MACO1: variants seen among roughly 807,000 people sequenced by gnomAD.
MACO1 encodes macoilin 1.
In MACO1, 14 loss-of-function variants were observed where a neutral mutation model predicts 78.7. The observed-to-expected ratio is 0.18, with a 90% CI of 0.12 to 0.28. The LOEUF (loss-of-function observed/expected upper bound fraction) is 0.28. Among genes scored for constraint, MACO1 ranks in the 10% least tolerant of loss-of-function variants. The probability of loss-of-function intolerance (pLI) is 1.00; values close to 1 mark genes in which losing one functional copy is unlikely to be tolerated. For missense variants in MACO1, 501 were observed against 799.0 expected (o/e 0.63, Z 4.50); for synonymous variants, 288 against 291.6 (o/e 0.99, Z 0.12).
rs772305897 is a variant in MACO1, at chr1:25,485,785, G to C, written c.1486G>C (p.Ala496Pro). 1.2e-6 allele frequency: 2 copies of C among 1,612,748 alleles called. No homozygotes were observed. Among genetic ancestry groups the C allele is most frequent in the Non-Finnish European group, 1.7e-6 (2 of 1,179,566 alleles). The change falls in exon 8 of 11, where the codon GCT (alanine) becomes CCT (proline). Residue 496 changes from alanine to proline, a missense_variant. Around this residue, in one of 5 missense-constraint regions of MACO1, gnomAD observed 163 missense variants for 271.9 expected, o/e 0.60. Coordinates refer to ENST00000374343, the MANE Select transcript of MACO1 (RefSeq NM_018202.6). The surrounding 1 kb of genome is among the most constrained non-coding windows in gnomAD (Gnocchi z 4.3). Reference sequence around the variant, plus strand: ...TGCTGCCCGGGCTGTTGCGTTTGCTGCTGCATCTAGGTATGTCCATGTCAC... The same window carrying C: ...TGCTGCCCGGGCTGTTGCGTTTGCTCCTGCATCTAGGTATGTCCATGTCAC... ...ATAARAVAFA[A>P]ASRGECTETL...
intron 6 of MACO1, among the ~76,000 whole-genome samples, chr1:25,466,122 C>T (rs768320871): frequency 2.0e-5 from 3 of 152,132 alleles, no homozygotes; most frequent in Non-Finnish European, 2.9e-5. Context: ...CTTTGGGTAG[C>T]TAACCAGTAG....
At chr1:25,452,897 A>G (rs1279340749) in intron 3 of MACO1, among the ~76,000 whole-genome samples, 3 of 151,784 alleles carry the variant, frequency 2.0e-5, no homozygotes, top group South Asian at 4.2e-4. Flanking sequence ...GGGTTTCACC[A>G]TGTTAGTCAG....
intron 6 of MACO1, among the ~76,000 whole-genome samples, chr1:25,471,526 T>G (rs2043271555): frequency 6.6e-6 from 1 of 152,218 alleles, no homozygotes; most frequent in Admixed American, 6.5e-5. Context: ...TAATAGAATG[T>G]AAGCTCAGTA....
chr1:25,459,208 T>C (rs372928226), intron 6 of MACO1, among the ~76,000 whole-genome samples: 15 of 152,090 alleles, frequency 9.9e-5, no homozygotes, highest in African/African-American at 1.7e-4. Context: ...TGTCCAGAGT[T>C]CTCTTGGCGT....
chr1:25,488,781 G>A (rs915516969), intron 8 of MACO1, among the ~76,000 whole-genome samples: 2 of 151,538 alleles, frequency 1.3e-5, no homozygotes, highest in Admixed American at 6.6e-5. Flanking sequence ...CACTGCACTC[G>A]GCCAACCTAT....
In MACO1 at chr1:25,446,801, T is replaced by TG; in HGVS notation, c.121dup (p.Val41GlyfsTer13). On this transcript the variant is annotated frameshift_variant, in exon 2 of 11. Coordinates refer to ENST00000374343, the MANE Select transcript of MACO1 (RefSeq NM_018202.6). LOFTEE classifies it high-confidence loss of function. Reference sequence around the variant, plus strand: ...TGAAATTCCTGGTGGTGTGGGCACTTGTCCTCCTAGCAGATTTTGTCCTGG... The same window carrying TG: ...TGAAATTCCTGGTGGTGTGGGCACTTGGTCCTCCTAGCAGATTTTGTCCTGG... 6.2e-7 allele frequency: 1 copy of TG among 1,613,870 alleles called. No individual in the cohort carries two copies. Among genetic ancestry groups the TG allele is most frequent in the Non-Finnish European group, 8.5e-7 (1 of 1,179,900 alleles).
chr1:25,456,633 C>G lies in MACO1; in HGVS notation c.474-20C>G. On this transcript the variant is annotated intron_variant, in intron 4 of 10. Coordinates refer to ENST00000374343, the MANE Select transcript of MACO1 (RefSeq NM_018202.6). ...TTCATTTTAAACCTACAATTACTGG[C>G]TGGATTGTCTTCTTTCTAGTATTGG... 6.2e-7 allele frequency: 1 copy of G among 1,605,880 alleles called. No homozygotes were observed. Among genetic ancestry groups the G allele is most frequent in the Non-Finnish European group, 8.5e-7 (1 of 1,177,486 alleles).
chr1:25,431,506 T>C (rs1257472898), intron 1 of MACO1, among the ~76,000 whole-genome samples: 2 of 151,380 alleles, frequency 1.3e-5, no homozygotes, highest in South Asian at 4.2e-4. Flanking sequence ...ATCCCGGCCA[T>C]GCCGCTGGGC....
chr1:25,479,409 T>C (rs2043350481), intron 6 of MACO1, among the ~76,000 whole-genome samples: 1 of 152,168 alleles, frequency 6.6e-6, no homozygotes, highest in African/African-American at 2.4e-5. Context: ...TTCAATTTGC[T>C]AACACATACT....
chr1:25,460,047 A>G (rs760309274), intron 6 of MACO1, among the ~76,000 whole-genome samples: 17 of 152,200 alleles, frequency 1.1e-4, no homozygotes, highest in Non-Finnish European at 2.2e-4. Flanking sequence ...GAGGCTTTCC[A>G]GCATTATAAA....
intron 1 of MACO1, among the ~76,000 whole-genome samples, chr1:25,437,796 C>T (rs1553163388): frequency 6.6e-6 from 1 of 152,142 alleles, no homozygotes; most frequent in Non-Finnish European, 1.5e-5. Context: ...TGTCACATTC[C>T]TGTAGTCCCA....
At chr1:25,456,280 A>G (rs1178030589) in intron 4 of MACO1, among the ~76,000 whole-genome samples, 2 of 151,628 alleles carry the variant, frequency 1.3e-5, no homozygotes, top group African/African-American at 2.4e-5. Context: ...AAAAGGGTAC[A>G]GGTATCTGCC....
At position 25,458,493 on chromosome 1, in the gene MACO1, A is replaced by G. The variant is rs766277373; in HGVS notation, c.755A>G (p.Tyr252Cys). 3.1e-6 allele frequency: 5 copies of G among 1,614,008 alleles called. No homozygotes were observed. The African/African-American group carries it at 6.7e-5, about 22-fold the overall frequency. Residue 252 changes from tyrosine (Y) to cysteine (C), a missense_variant, in exon 6 of 11, where the codon TAC becomes TGC. Physicochemically the swap from Tyr to Cys is radical, Grantham distance 194. Coordinates refer to ENST00000374343, the MANE Select transcript of MACO1 (RefSeq NM_018202.6). ...TCCACAACTTTGCCAGAGATAGAAT[A>G]CCGAGAAAAAGGGAAAGAAAAGGAC... The part of the protein sequence containing the change: ...KLSTTLPEIE[Y>C]REKGKEKDKD...
chr1:25,459,051 T>G (rs191625540), intron 6 of MACO1, among the ~76,000 whole-genome samples, 159 bp downstream of exon 6: 1 of 152,332 alleles, frequency 6.6e-6, no homozygotes, highest in East Asian at 1.9e-4. Context: ...TGTGTTATTG[T>G]GTTGAAGCAT....
chr1:25,474,023 A>G, intron 6 of MACO1, among the ~76,000 whole-genome samples: 1 of 152,202 alleles, frequency 6.6e-6, no homozygotes, highest in Non-Finnish European at 1.5e-5. Flanking sequence ...TCAGACTCCT[A>G]CAGGAGTGAG....
intron 6 of MACO1, among the ~76,000 whole-genome samples, chr1:25,476,689 C>A (rs2043323900): frequency 1.3e-5 from 2 of 152,294 alleles, no homozygotes; most frequent in South Asian, 4.2e-4. Context: ...TTAAACAAGT[C>A]TTGTCTTGTA....
chr1:25,454,509 A>C (rs1271619639), intron 4 of MACO1, 127 bp downstream of exon 4: 1 of 146,686 alleles, frequency 6.8e-6, no homozygotes, highest in African/African-American at 3.2e-5. Context: ...TTTTAGACGG[A>C]GTCTTGCTCT....
chr1:25,439,422 G>T (rs1025474239), intron 1 of MACO1, among the ~76,000 whole-genome samples: 1 of 151,756 alleles, frequency 6.6e-6, no homozygotes, highest in Non-Finnish European at 1.5e-5. Flanking sequence ...ACAAAAAAGG[G>T]CATATTTCAC....
chr1:25,449,003 T>C, intron 3 of MACO1, 69 bp downstream of exon 3: 1 of 1,338,288 alleles, frequency 7.5e-7, no homozygotes, highest in Non-Finnish European at 9.8e-7. Context: ...GTTATTTCTT[T>C]GAATACATTA....
Sources: gnomAD v4.1 joint callset for allele counts (sites outside exome capture counted in the v4.1 genomes callset) on GRCh38, gnomAD v4.1.1 for gene constraint, gnomAD v4.1.1 regional missense constraint, Gnocchi (gnomAD v3.1) non-coding constraint, MANE v1.5 for transcripts, NCBI Gene and HGNC (gene_info 2026-07-23, HGNC 2026-07-21) for gene names.